CDH17: variants seen among roughly 807,000 people sequenced by gnomAD.
CDH17 encodes the protein cadherin-17.
In CDH17, 67 loss-of-function variants were observed where a neutral mutation model predicts 86.3. The ratio of observed to expected loss-of-function variants is 0.78; its 90% confidence interval spans 0.64 to 0.95. The LOEUF (loss-of-function observed/expected upper bound fraction) is 0.95. Ranked by LOEUF, CDH17 falls within the 40% of genes least tolerant of loss-of-function variation. The pLI is 0.00. For missense variants in CDH17, 993 were observed against 1,017.6 expected (o/e 0.98, Z 0.33); for synonymous variants, 367 against 366.4 (o/e 1.00, Z -0.02).
chr8:94,149,842 T>C (rs900526035), intron 13 of CDH17, among the ~76,000 whole-genome samples: 4 of 152,104 alleles, frequency 2.6e-5, no homozygotes, highest in Admixed American at 6.5e-5. Flanking sequence ...CAGACAAGAC[T>C]AGAACCACAG....
At chr8:94,175,369 A>G (rs1813352842) in intron 5 of CDH17, among the ~76,000 whole-genome samples, 1 of 152,062 alleles carries the variant, frequency 6.6e-6, no homozygotes, top group Non-Finnish European at 1.5e-5. Context: ...AGGGACAGGG[A>G]CATCACTCCA....
intron 12 of CDH17, among the ~76,000 whole-genome samples, chr8:94,159,413 G>A (rs915221618): frequency 7.9e-5 from 12 of 152,116 alleles, no homozygotes; most frequent in South Asian, 2.1e-4. Context: ...AGGAGACCCA[G>A]CAGTTGCATT....
chr8:94,170,871 G>T lies in CDH17; in HGVS notation c.898C>A (p.Arg300=). The T allele has an allele frequency of 6.2e-7, 1 of 1,612,876 alleles. No homozygotes were observed. The highest frequency in any genetic ancestry group is 8.5e-7 in the Non-Finnish European group (1 of 1,179,588). The change falls in exon 8 of 18, where the codon CGA becomes AGA. Residue 300 remains arginine, a synonymous_variant. Transcript: ENST00000027335. ...GDIYVTQPLD[R]EEKDAYVFYA... ...TTACTCACTGCATCCTTTTCTTCTCGGTCCAAGGGCTGAGTCACGTAAATA... is the reference window on the plus strand; with the variant it reads ...TTACTCACTGCATCCTTTTCTTCTCTGTCCAAGGGCTGAGTCACGTAAATA...
At chr8:94,197,829 T>TAAAAAAAAA (rs34799637) in intron 1 of CDH17, among the ~76,000 whole-genome samples, 1 of 121,390 alleles carries the variant, frequency 8.2e-6, no homozygotes, top group Non-Finnish European at 1.7e-5. Flanking sequence ...AGACTCTGTC[T>TAAAAAAAAA]AAAAAAAAAA....
chr8:94,164,679 G>T (rs942071133), intron 10 of CDH17, among the ~76,000 whole-genome samples: 1 of 152,192 alleles, frequency 6.6e-6, no homozygotes, highest in Non-Finnish European at 1.5e-5. Flanking sequence ...TTTCTTGTTT[G>T]TTCTCCATAC....
At chr8:94,180,942 C>CAAA (rs1563582257) in intron 3 of CDH17, among the ~76,000 whole-genome samples, 5 of 128,606 alleles carry the variant, frequency 3.9e-5, no homozygotes, top group African/African-American at 1.2e-4. Context: ...AACAAACAAA[C>CAAA]CAAAAAAAAA....
At chr8:94,129,361 T>C (rs1473248537) in intron 17 of CDH17, among the ~76,000 whole-genome samples, 3 of 152,096 alleles carry the variant, frequency 2.0e-5, no homozygotes, top group Non-Finnish European at 2.9e-5. Flanking sequence ...GGAGGAAAGA[T>C]GATCACCATG....
At chr8:94,184,380 ATCAC>A (rs1813538364) in intron 3 of CDH17, among the ~76,000 whole-genome samples, 1 of 152,248 alleles carries the variant, frequency 6.6e-6, no homozygotes, top group Non-Finnish European at 1.5e-5. Context: ...ATGATGGAAT[ATCAC>A]TCAGTCATAA....
chr8:94,146,198 C>T (rs998305989), intron 14 of CDH17, 31 bp from the exon 15 acceptor site: 4 of 1,422,312 alleles, frequency 2.8e-6, no homozygotes, highest in Non-Finnish European at 2.8e-6. Flanking sequence ...AACATGGGAT[C>T]AGTTCACTCA....
intron 1 of CDH17, among the ~76,000 whole-genome samples, chr8:94,199,709 C>T (rs1813867215): frequency 6.6e-6 from 1 of 152,170 alleles, no homozygotes; most frequent in Non-Finnish European, 1.5e-5. Flanking sequence ...TCCATTGCCA[C>T]ACGTAGGGTG....
At chr8:94,205,694 TG>T (rs1177816204) in intron 1 of CDH17, among the ~76,000 whole-genome samples, 3 of 152,020 alleles carry the variant, frequency 2.0e-5, no homozygotes, top group Non-Finnish European at 4.4e-5. Flanking sequence ...ATTCATGAAT[TG>T]TTTTTTTTTT....
rs577935069 is a variant in CDH17, at chr8:94,181,724, AAAAAG to A, written c.151-4008_151-4004del. 2.6e-4 allele frequency among the ~76,000 whole-genome samples: 40 copies of A among 152,030 alleles called. No homozygotes were observed. The South Asian group carries it at 7.3e-3, about 28-fold the overall frequency. On this transcript the variant is annotated intron_variant, in intron 3 of 17. Transcript: ENST00000027335. The stretch of plus-strand genomic sequence containing the variant: ...GAACCTAATCTTCTACTTAGAAAAA[AAAAAG>A]AAAAGAAAAACAAGAAAAAGAAGAA...
Position 94,160,044 on chromosome 8 carries a change from T to C in CDH17, c.1478A>G (p.Lys493Arg), listed in dbSNP as rs1231084105. The part of the protein sequence containing the change: ...GSSKILYHII[K>R]GDSEGRLGVD... ...CCCCAGGCGTCCCTCACTGTCTCCCTTTATGATATGATACAGAATTTTAGA... is the reference window on the plus strand; with the variant it reads ...CCCCAGGCGTCCCTCACTGTCTCCCCTTATGATATGATACAGAATTTTAGA... The change falls in exon 12 of 18, where the codon AAG (lysine) becomes AGG (arginine). Residue 493 changes from lysine to arginine, a missense_variant. Coordinates refer to ENST00000027335, the MANE Select transcript of CDH17 (RefSeq NM_004063.4). 2 of 1,613,782 alleles carry C rather than the reference T, an allele frequency of 1.2e-6. No homozygotes were observed. The highest frequency in any genetic ancestry group is 1.7e-5 in the Admixed American group (1 of 59,994).
At chr8:94,199,761 G>A (rs1416292428) in intron 1 of CDH17, among the ~76,000 whole-genome samples, 1 of 152,162 alleles carries the variant, frequency 6.6e-6, no homozygotes. Context: ...CCATGCGGTT[G>A]TTAGGAGCAT....
chr8:94,135,639 T>G (rs959666167), intron 15 of CDH17, among the ~76,000 whole-genome samples: 1 of 152,202 alleles, frequency 6.6e-6, no homozygotes, highest in Non-Finnish European at 1.5e-5. Context: ...AATTGGGGCA[T>G]TTAGCCCATT....
At chr8:94,140,398 G>A (rs1812615136) in intron 15 of CDH17, among the ~76,000 whole-genome samples, 1 of 152,032 alleles carries the variant, frequency 6.6e-6, no homozygotes, top group African/African-American at 2.4e-5. Flanking sequence ...CCACTGCACT[G>A]CAGCCTGGGT....
At chr8:94,213,514 A>T (rs1166301072), upstream of CDH17, among the ~76,000 whole-genome samples, 1 of 152,082 alleles carries the variant, frequency 6.6e-6, no homozygotes, top group Non-Finnish European at 1.5e-5. Context: ...TCCCTCAGAC[A>T]TTTTTTTCTC....
intron 15 of CDH17, among the ~76,000 whole-genome samples, chr8:94,143,269 T>C (rs1812672775): frequency 6.6e-6 from 1 of 152,202 alleles, no homozygotes; most frequent in Admixed American, 6.5e-5. Context: ...TGAGCAGTAA[T>C]ATGTTGAGAG....
intron 2 of CDH17, among the ~76,000 whole-genome samples, chr8:94,193,427 C>T (rs572088540): frequency 6.6e-6 from 1 of 152,284 alleles, no homozygotes; most frequent in African/African-American, 2.4e-5. Flanking sequence ...CCACCAGTCG[C>T]TGATCCAAGA....
Sources: allele counts gnomAD v4.1 joint callset (sites outside exome capture counted in the v4.1 genomes callset), GRCh38; gene constraint gnomAD v4.1.1; transcripts MANE v1.5; gene names NCBI Gene and HGNC (gene_info 2026-07-23, HGNC 2026-07-21).